METTL25: variants seen among roughly 807,000 people sequenced by gnomAD.
METTL25 encodes probable methyltransferase-like protein 25.
Under a neutral mutation model 71.6 loss-of-function variants are expected in METTL25, and 64 were observed. The observed-to-expected ratio is 0.89, with a 90% CI of 0.73 to 1.10. The LOEUF is 1.10. Ranked by LOEUF, METTL25 falls within the 50% of genes least tolerant of loss-of-function variation. The pLI is 0.00. For missense variants in METTL25, 807 were observed against 707.0 expected (o/e 1.14, Z -1.60); for synonymous variants, 287 against 250.3 (o/e 1.15, Z -1.38).
chr12:82,362,375 A>C (rs1458996657), intron 1 of METTL25, among the ~76,000 whole-genome samples: 1 of 152,208 alleles, frequency 6.6e-6, no homozygotes, highest in East Asian at 1.9e-4. Context: ...CTCGTTGTAC[A>C]TTAGTTCCTC....
chr12:82,383,630 G>T (rs187135532), intron 1 of METTL25, among the ~76,000 whole-genome samples: 184 of 152,228 alleles, frequency 1.2e-3, no homozygotes, highest in African/African-American at 4.4e-3. Flanking sequence ...ATTATTGTAA[G>T]ACCTAACAGT....
At chr12:82,384,118 A>G (rs543336504) in intron 1 of METTL25, among the ~76,000 whole-genome samples, 3 of 152,294 alleles carry the variant, frequency 2.0e-5, no homozygotes, top group African/African-American at 7.2e-5. Flanking sequence ...TAGGCCAAAC[A>G]ATCAAGCCAT....
intron 5 of METTL25, among the ~76,000 whole-genome samples, chr12:82,420,863 T>C (rs111964536): frequency 1.4e-3 from 215 of 152,050 alleles, no homozygotes; most frequent in African/African-American, 5.1e-3. Context: ...ATTTTTTTTT[T>C]TCTCTTTTTG....
intron 1 of METTL25, among the ~76,000 whole-genome samples, chr12:82,384,170 C>T (rs2136930465): frequency 6.6e-6 from 1 of 152,228 alleles, no homozygotes; most frequent in South Asian, 2.1e-4. Context: ...AAAGTTTTCC[C>T]TTCATAAAAA....
At chr12:82,392,960 G>A (rs1885734894) in intron 3 of METTL25, among the ~76,000 whole-genome samples, 1 of 151,880 alleles carries the variant, frequency 6.6e-6, no homozygotes. Flanking sequence ...TTTAATTCTG[G>A]GTTCTCTATT....
At chr12:82,370,887 T>G (rs1446949513) in intron 1 of METTL25, among the ~76,000 whole-genome samples, 3 of 152,326 alleles carry the variant, frequency 2.0e-5, no homozygotes, top group African/African-American at 7.2e-5. Flanking sequence ...CTTCTTCTTT[T>G]TGATGGCTTC....
At position 82,479,103 on chromosome 12, in the gene METTL25, TG is replaced by T; in HGVS notation, c.*80del. 1 of 1,134,728 alleles carries T rather than the reference TG, an allele frequency of 8.8e-7. No individual in the cohort carries two copies. The highest frequency in any genetic ancestry group is 1.3e-6 in the Non-Finnish European group (1 of 773,986). 70.3% of individuals were successfully genotyped at this position (1,134,728 alleles called of 1,614,324 possible). A position where few individuals can be genotyped will look rare whatever the true frequency, so the allele number is the denominator to read the frequency against. On this transcript the variant is annotated 3_prime_UTR_variant, in exon 12 of 12. Transcript: ENST00000248306. ...ATTGCTTTTCTAAACATATATGTCC[TG>T]TTATACAAAAATTTTTAAATGACTG... is the stretch of plus-strand genomic sequence containing the variant.
chr12:82,401,200 T>C (rs1431971689), intron 4 of METTL25, among the ~76,000 whole-genome samples: 5 of 152,102 alleles, frequency 3.3e-5, no homozygotes, highest in Admixed American at 1.3e-4. Context: ...ATTACAGCTG[T>C]CTTTTATGTC....
At chr12:82,455,075 A>G (rs1891394379) in intron 8 of METTL25, among the ~76,000 whole-genome samples, 1 of 151,604 alleles carries the variant, frequency 6.6e-6, no homozygotes, top group Admixed American at 6.6e-5. Flanking sequence ...CTCAAGAGCT[A>G]CTCCATAAGA....
intron 3 of METTL25, among the ~76,000 whole-genome samples, chr12:82,397,676 G>A (rs1245727240): frequency 6.6e-6 from 1 of 151,710 alleles, no homozygotes; most frequent in African/African-American, 2.4e-5. Flanking sequence ...AGTTATACCA[G>A]CACCATTTGT....
chr12:82,462,817 T>C (rs534173896), intron 9 of METTL25, among the ~76,000 whole-genome samples: 1 of 152,260 alleles, frequency 6.6e-6, no homozygotes, highest in African/African-American at 2.4e-5. Flanking sequence ...TGTCATAGTA[T>C]TTGTATAGAA....
chr12:82,416,751 G>T (rs1888020364), intron 5 of METTL25, among the ~76,000 whole-genome samples: 1 of 152,078 alleles, frequency 6.6e-6, no homozygotes, highest in Non-Finnish European at 1.5e-5. Context: ...GGGATTACAG[G>T]TGTGAGCACC....
At chr12:82,436,787 A>G (rs1889947949) in intron 7 of METTL25, among the ~76,000 whole-genome samples, 1 of 151,602 alleles carries the variant, frequency 6.6e-6, no homozygotes, top group Non-Finnish European at 1.5e-5. Context: ...GGCATGAGAA[A>G]GAAGAGATTT....
At chr12:82,477,241 TAAGTACCA>T in intron 10 of METTL25, 32 bp from the exon 11 acceptor site, 1 of 900,102 alleles carries the variant, frequency 1.1e-6, no homozygotes. Flanking sequence ...CTTTTTTTTT[TAAGTACCA>T]CCAACCTACC....
intron 9 of METTL25, among the ~76,000 whole-genome samples, chr12:82,472,642 C>CA (rs1278877536): frequency 1.3e-5 from 2 of 152,078 alleles, no homozygotes; most frequent in African/African-American, 4.8e-5. Flanking sequence ...TTGAAGCTCT[C>CA]AATTGTATTT....
intron 8 of METTL25, among the ~76,000 whole-genome samples, chr12:82,454,153 G>T (rs1393627064): frequency 1.3e-5 from 2 of 151,982 alleles, no homozygotes; most frequent in African/African-American, 4.8e-5. Context: ...AGAATTCACT[G>T]GCTTAAAATA....
intron 2 of METTL25, among the ~76,000 whole-genome samples, chr12:82,389,080 C>A (rs185826447): frequency 3.4e-4 from 52 of 152,144 alleles, no homozygotes; most frequent in Admixed American, 1.9e-3. Flanking sequence ...ACTCAACTCC[C>A]ACATCACTGA....
intron 9 of METTL25, 52 bp from the exon 10 acceptor site, chr12:82,476,592 G>A: frequency 8.2e-7 from 1 of 1,215,658 alleles, no homozygotes; most frequent in Non-Finnish European, 1.2e-6. Context: ...GTTTGACAAG[G>A]AAAAATATTT....
At chr12:82,459,399 A>T (rs933877313) in intron 9 of METTL25, among the ~76,000 whole-genome samples, 1 of 152,202 alleles carries the variant, frequency 6.6e-6, no homozygotes, top group African/African-American at 2.4e-5. Flanking sequence ...CGGCCAAGAC[A>T]GGAGAATTAT....
Sources: allele counts gnomAD v4.1 joint callset (sites outside exome capture counted in the v4.1 genomes callset), GRCh38; gene constraint gnomAD v4.1.1; transcripts MANE v1.5; gene names NCBI Gene and HGNC (gene_info 2026-07-23, HGNC 2026-07-21).